The following DCLRE1C variants were observed in gnomAD, a reference collection of about 807,000 sequenced individuals.
The protein encoded by DCLRE1C is protein artemis.
In DCLRE1C, 47 loss-of-function variants were observed where a neutral mutation model predicts 61.4. The ratio of observed to expected loss-of-function variants is 0.77; its 90% CI spans 0.61 to 0.98. DCLRE1C has a LOEUF of 0.98. Among genes scored for constraint, DCLRE1C ranks in the 50% least tolerant of loss-of-function variants. The pLI, the probability that DCLRE1C is intolerant of heterozygous loss-of-function variation, is 0.00. For synonymous variants in DCLRE1C, 337 were observed against 287.6 expected (o/e 1.17, Z -1.74); for missense variants, 858 against 816.0 (o/e 1.05, Z -0.63).
chr10:14,924,159 C>T (rs1837569929), intron 11 of DCLRE1C, among the ~76,000 whole-genome samples: 1 of 152,242 alleles, frequency 6.6e-6, no homozygotes, highest in East Asian at 1.9e-4. Context: ...AGGCTGTGTG[C>T]TCACGCTAAC....
In DCLRE1C at chr10:14,947,857, C is replaced by T. The variant is rs539597717; in HGVS notation, c.161+1179G>A. On this transcript the variant is annotated intron_variant, in intron 2 of 13. Transcript: ENST00000378278. ...GGCAGATCACTTGAGGTCAGGAGTT[C>T]GAGACCAGCCTGGCGAACATGGTAA... Among the ~76,000 whole-genome samples the T allele has an allele frequency of 1.1e-3, 162 of 152,126 alleles. 2 individuals carry two copies. The highest frequency in any genetic ancestry group is 3.0e-3 in the African/African-American group (124 of 41,488).
At chr10:14,901,091 T>G (rs752819993), downstream of DCLRE1C, 1 of 1,606,878 alleles carries the variant, frequency 6.2e-7, no homozygotes, top group Non-Finnish European at 8.5e-7. Flanking sequence ...AGGGCTTGTT[T>G]ACACCGTTTG....
At chr10:14,921,136 T>C (rs1453556777) in intron 12 of DCLRE1C, among the ~76,000 whole-genome samples, 6 of 152,216 alleles carry the variant, frequency 3.9e-5, no homozygotes, top group Admixed American at 6.5e-5. Flanking sequence ...CTGGCTAACA[T>C]GGTGAAACCC....
intron 9 of DCLRE1C, 122 bp from the exon 10 acceptor site, chr10:14,928,274 AGC>A: frequency 1.1e-6 from 1 of 879,034 alleles, no homozygotes; most frequent in Non-Finnish European, 1.7e-6. Context: ...ATAAAAAAAA[AGC>A]AGCAAAACAA....
intron 9 of DCLRE1C, 99 bp from the exon 10 acceptor site, chr10:14,928,251 G>T: frequency 1.9e-6 from 2 of 1,050,662 alleles, no homozygotes; most frequent in East Asian, 5.3e-5. Context: ...TTCCAGACAC[G>T]AAAAAATAAA....
intron 5 of DCLRE1C, among the ~76,000 whole-genome samples, 177 bp from the exon 6 acceptor site, chr10:14,935,741 G>A (rs1377613682): frequency 2.6e-5 from 4 of 152,154 alleles, no homozygotes; most frequent in East Asian, 1.9e-4. Context: ...CTCTTCCCTC[G>A]GGTAGAAAAT....
chr10:14,921,867 T>G (rs1837172625), intron 12 of DCLRE1C, among the ~76,000 whole-genome samples: 1 of 152,212 alleles, frequency 6.6e-6, no homozygotes, highest in Non-Finnish European at 1.5e-5. Context: ...AGTTCTCACC[T>G]GCACTGCCAA....
exon 14 of DCLRE1C, chr10:14,898,854 A>G (rs943553876): frequency 1.0e-5 from 2 of 194,580 alleles, no homozygotes; most frequent in Non-Finnish European, 2.1e-5. Flanking sequence ...TTCCATTTGT[A>G]ACTGCATATA....
chr10:14,909,193 T>G lies in DCLRE1C; in HGVS notation c.1294A>C (p.Thr432Pro), dbSNP rs1163287742. ...SEKQPEKLRQ[T>P]PGCCRAECMQ... ...CACTCTGCTCTGCAGCATCCTGGGGTTTGTCTCAGTTTTTCAGGCTGCTTT... is the reference window on the plus strand; with the variant it reads ...CACTCTGCTCTGCAGCATCCTGGGGGTTGTCTCAGTTTTTCAGGCTGCTTT... The change falls in exon 14 of 14, where the codon ACC (threonine) becomes CCC (proline). Residue 432 changes from threonine (T) to proline (P), a missense_variant. Coordinates refer to ENST00000378278, the MANE Select transcript of DCLRE1C (RefSeq NM_001033855.3). 6.2e-7 allele frequency: 1 copy of G among 1,613,792 alleles called. No individual in the cohort carries two copies. The highest frequency in any genetic ancestry group is 8.5e-7 in the Non-Finnish European group (1 of 1,179,932).
chr10:14,919,616 G>A, intron 13 of DCLRE1C, 122 bp downstream of exon 13: 1 of 783,684 alleles, frequency 1.3e-6, no homozygotes, highest in South Asian at 1.4e-5. Context: ...CATGTGTCAA[G>A]TCTGACCTGT....
intron 11 of DCLRE1C, among the ~76,000 whole-genome samples, chr10:14,926,166 C>T (rs1837940816): frequency 6.6e-6 from 1 of 152,194 alleles, no homozygotes; most frequent in Non-Finnish European, 1.5e-5. Context: ...GGAGAACAGA[C>T]TGATACACTT....
downstream of DCLRE1C, chr10:14,902,736 A>G: frequency 3.0e-6 from 1 of 336,620 alleles, no homozygotes; most frequent in Non-Finnish European, 5.5e-6. Context: ...TTAGAGACCA[A>G]ACTAATGGAA....
intron 8 of DCLRE1C, 107 bp from the exon 9 acceptor site, chr10:14,933,062 C>T (rs1477850796): frequency 7.1e-6 from 9 of 1,273,464 alleles, no homozygotes; most frequent in Non-Finnish European, 1.0e-5. Flanking sequence ...TTAACCCTCT[C>T]TTCTTTCTTG....
intron 13 of DCLRE1C, among the ~76,000 whole-genome samples, chr10:14,910,560 C>T (rs1835087549): frequency 6.6e-6 from 1 of 152,114 alleles, no homozygotes; most frequent in African/African-American, 2.4e-5. Flanking sequence ...TCCCAAATTG[C>T]TGGAATTAGA....
chr10:14,928,791 T>TC (rs1838466412), intron 9 of DCLRE1C, among the ~76,000 whole-genome samples: 1 of 143,330 alleles, frequency 7.0e-6, no homozygotes, highest in South Asian at 2.2e-4. Context: ...ATGGTGTTTT[T>TC]TTTTTTTTTT....
chr10:14,946,603 C>G (rs563753180), intron 2 of DCLRE1C, among the ~76,000 whole-genome samples: 71 of 152,136 alleles, frequency 4.7e-4, no homozygotes, highest in African/African-American at 1.7e-3. Flanking sequence ...TTAGGACATA[C>G]GCTTTTTAAC....
At position 14,934,389 on chromosome 10, in the gene DCLRE1C, T is replaced by C; in HGVS notation, c.669A>G (p.Leu223=). ...TGAACAGTCACCATACCTGGACTCC[T>C]AATTCTTCACTAAGGTTGGTGAACA... The part of the protein sequence containing the change: ...EYLFTNLSEE[L]GVQVHVNKLD... The change falls in exon 8 of 14, where the codon TTA becomes TTG. Residue 223 remains leucine (L), a synonymous_variant. Transcript: ENST00000378278. 6.2e-7 allele frequency: 1 copy of C among 1,613,284 alleles called. No homozygotes were observed. Among genetic ancestry groups the C allele is most frequent in the Non-Finnish European group, 8.5e-7 (1 of 1,179,842 alleles).
intron 13 of DCLRE1C, among the ~76,000 whole-genome samples, chr10:14,914,496 T>C (rs116214438): frequency 0.012 from 1,800 of 152,300 alleles, 43 homozygotes; most frequent in African/African-American, 0.041. Context: ...CTGAACAACA[T>C]TGTCAACTAA....
At chr10:14,939,775 T>G in intron 4 of DCLRE1C, 35 bp downstream of exon 4, 1 of 1,538,564 alleles carries the variant, frequency 6.5e-7, no homozygotes, top group South Asian at 1.1e-5. Context: ...AGCACCACAT[T>G]TTTTTAAAAA....
Sources: allele counts gnomAD v4.1 joint callset (sites outside exome capture counted in the v4.1 genomes callset), GRCh38; gene constraint gnomAD v4.1.1; transcripts MANE v1.5; gene names NCBI Gene and HGNC (gene_info 2026-07-23, HGNC 2026-07-21).